The following KLRC1 variants were observed in gnomAD, a reference collection of about 807,000 sequenced individuals.
KLRC1 encodes the protein killer cell lectin like receptor C1, also known as NKG2-A/NKG2-B type II integral membrane protein.
A neutral mutation model predicts 25.9 loss-of-function variants in KLRC1; 22 were observed. The observed-to-expected ratio is 0.85, with a 90% CI of 0.61 to 1.21. The LOEUF is 1.21. KLRC1 is among the 50% of genes most tolerant of loss of function. KLRC1 has a pLI of 0.00. For missense variants in KLRC1, 240 were observed against 272.2 expected (o/e 0.88, Z 0.83); for synonymous variants, 77 against 93.1 (o/e 0.83, Z 0.99).
upstream of KLRC1, among the ~76,000 whole-genome samples, chr12:10,454,030 A>G (rs1282288062): frequency 1.3e-5 from 2 of 152,240 alleles, no homozygotes; most frequent in Non-Finnish European, 1.5e-5. Flanking sequence ...ATCCTCCGCC[A>G]TAACAAATTA....
intron 1 of KLRC1, among the ~76,000 whole-genome samples, chr12:10,452,898 G>A (rs988049159): frequency 6.6e-6 from 1 of 152,084 alleles, no homozygotes; most frequent in Non-Finnish European, 1.5e-5. Context: ...GATACATGAT[G>A]TACTGATTAC....
intron 1 of KLRC1, among the ~76,000 whole-genome samples, chr12:10,451,639 G>C (rs1864128503): frequency 6.8e-6 from 1 of 147,808 alleles, no homozygotes; most frequent in South Asian, 2.2e-4. Context: ...CTGGGCGACA[G>C]AGTGAGACTC....
chr12:10,453,415 G>C, upstream of KLRC1: 1 of 963,546 alleles, frequency 1.0e-6, no homozygotes, highest in Non-Finnish European at 1.2e-6. Context: ...ACTAAGGTTT[G>C]AACAGGAAAT....
intron 5 of KLRC1, among the ~76,000 whole-genome samples, chr12:10,448,495 C>T (rs1864043005): frequency 6.6e-6 from 1 of 152,140 alleles, no homozygotes; most frequent in South Asian, 2.1e-4. Context: ...CCTTCTCATA[C>T]CAAGAGACAC....
chr12:10,450,634 G>C (rs1355948653), intron 2 of KLRC1, 55 bp from the exon 3 acceptor site: 1 of 1,127,944 alleles, frequency 8.9e-7, no homozygotes, highest in Non-Finnish European at 1.3e-6. Flanking sequence ...CAGTCGTTTA[G>C]AAGATTCACA....
At chr12:10,446,748 T>G (rs2682471) in intron 6 of KLRC1, 86 bp from the exon 7 acceptor site, 479,249 of 1,352,806 alleles carry the variant, frequency 0.35, 93,089 homozygotes, top group African/African-American at 0.54. Flanking sequence ...TGTAAGAAAA[T>G]AATTTCATGG....
intron 3 of KLRC1, 78 bp downstream of exon 3, chr12:10,450,406 T>C (rs545126538): frequency 9.0e-6 from 7 of 777,948 alleles, no homozygotes; most frequent in Admixed American, 4.4e-5. Flanking sequence ...CTCTATTCCC[T>C]GAAAATATGA....
chr12:10,451,595 G>T (rs944897784), intron 1 of KLRC1, among the ~76,000 whole-genome samples: 1 of 151,966 alleles, frequency 6.6e-6, no homozygotes, highest in African/African-American at 2.4e-5. Context: ...GGCAGAGGTT[G>T]CAGTGAGCGG....
Position 10,453,362 on chromosome 12 carries a change from A to G in KLRC1, c.-196T>C. 2 of 985,446 alleles carry G rather than the reference A, an allele frequency of 2.0e-6. No homozygotes were observed. The highest frequency in any genetic ancestry group is 2.4e-6 in the Non-Finnish European group (2 of 829,922). The allele number at this position is 985,446 out of a possible 1,614,324, so 61.0% of individuals were successfully genotyped here. On this transcript the variant is annotated 5_prime_UTR_variant, in exon 1 of 7. Transcript: ENST00000359151. The stretch of plus-strand genomic sequence containing the variant: ...CGCAGACTGCCCTGTGAAGGCTCAG[A>G]GTGAGTCAAGAGTGGAAAAAGTAGA...
At chr12:10,449,133 C>G in intron 5 of KLRC1, 104 bp downstream of exon 5, 3 of 1,421,614 alleles carry the variant, frequency 2.1e-6, no homozygotes, top group Non-Finnish European at 2.9e-6. Context: ...AACTTGAAAA[C>G]ATATAAGCTA....
downstream of KLRC1, among the ~76,000 whole-genome samples, chr12:10,443,416 G>A (rs1255186970): frequency 2.9e-5 from 4 of 139,668 alleles, 1 homozygote; most frequent in Non-Finnish European, 6.3e-5. Flanking sequence ...TTAATATAAG[G>A]CAAGCCCTTT....
intron 2 of KLRC1, 42 bp from the exon 3 acceptor site, chr12:10,450,621 A>G (rs1864103358): frequency 1.6e-6 from 2 of 1,245,764 alleles, no homozygotes; most frequent in Non-Finnish European, 2.4e-6. Flanking sequence ...GGAGAGGTGG[A>G]TACAGTCGTT....
At position 10,450,469 on chromosome 12, in the gene KLRC1, C is replaced by T. The variant is rs762037124; in HGVS notation, c.283+15G>A. On this transcript the variant is annotated intron_variant, in intron 3 of 6. Coordinates refer to ENST00000359151, the MANE Select transcript of KLRC1 (RefSeq NM_002259.5). ...ACGTGAAAATTCCCCTTGTAATCTTCGAAAATAGACTTACAGGGAATAACA... is the reference window on the plus strand; with the variant it reads ...ACGTGAAAATTCCCCTTGTAATCTTTGAAAATAGACTTACAGGGAATAACA... 60 of 1,456,964 alleles carry T rather than the reference C, an allele frequency of 4.1e-5. No homozygotes were observed. The highest frequency in any genetic ancestry group is 5.1e-5 in the Non-Finnish European group (53 of 1,044,382). The allele number at this position is 1,456,964 out of a possible 1,614,324, so 90.3% of individuals were successfully genotyped here. A position where few individuals can be genotyped will look rare whatever the true frequency, so the allele number is the denominator to read the frequency against.
chr12:10,449,786 T>C (rs970161233), intron 4 of KLRC1, 128 bp downstream of exon 4: 41 of 705,024 alleles, frequency 5.8e-5, no homozygotes, highest in Non-Finnish European at 7.9e-5. Context: ...AATGCCTTAC[T>C]CTAATTTTAT....
intron 6 of KLRC1, among the ~76,000 whole-genome samples, chr12:10,446,987 C>G (rs1181141205): frequency 6.6e-6 from 1 of 152,164 alleles, no homozygotes; most frequent in Non-Finnish European, 1.5e-5. Flanking sequence ...ACAATAACTA[C>G]TAATAACAAA....
At chr12:10,447,056 A>G (rs1416664653) in intron 6 of KLRC1, among the ~76,000 whole-genome samples, 3 of 152,224 alleles carry the variant, frequency 2.0e-5, no homozygotes, top group Non-Finnish European at 2.9e-5. Flanking sequence ...TTAAGAAAAA[A>G]AGTAAGTGTG....
chr12:10,451,767 A>T (rs1175377120), intron 1 of KLRC1, among the ~76,000 whole-genome samples: 1 of 152,214 alleles, frequency 6.6e-6, no homozygotes, highest in African/African-American at 2.4e-5. Flanking sequence ...TATTTCTTAA[A>T]GTCTGATGTT....
At chr12:10,453,898 A>G (rs909163874), upstream of KLRC1, among the ~76,000 whole-genome samples, 2 of 152,182 alleles carry the variant, frequency 1.3e-5, no homozygotes. Context: ...AGATTATTTA[A>G]TCTTCAGATT....
rs762598401 is a variant in KLRC1, at chr12:10,447,636, A to G, written c.490-4T>C. 1.9e-6 allele frequency: 3 copies of G among 1,577,572 alleles called. No individual in the cohort carries two copies. In the Admixed American group the frequency reaches 5.3e-5, roughly 28 times the overall value. On this transcript the variant is annotated splice_region_variant and splice_polypyrimidine_tract_variant and intron_variant, in intron 5 of 6. Transcript: ENST00000359151. ...GTGAAATGATGGACAGAAATTTCTA[A>G]AAGAAAAGAAAGAATTTTCACTTAA...
Sources: allele counts gnomAD v4.1 joint callset (sites outside exome capture counted in the v4.1 genomes callset), GRCh38; gene constraint gnomAD v4.1.1; transcripts MANE v1.5; gene names NCBI Gene and HGNC (gene_info 2026-07-23, HGNC 2026-07-21).